GPT2: variants seen among roughly 807,000 people sequenced by gnomAD.
GPT2 encodes alanine aminotransferase 2.
Under a neutral mutation model 56.9 loss-of-function variants are expected in GPT2, and 30 were observed. The observed-to-expected ratio is 0.53, with a 90% CI of 0.39 to 0.72. The LOEUF (loss-of-function observed/expected upper bound fraction) is 0.72, where lower values mean the gene tolerates loss of function less well. Ranked by LOEUF, GPT2 falls within the 30% of genes least tolerant of loss-of-function variation. The pLI is 0.00. For missense variants in GPT2, 542 were observed against 703.4 expected (o/e 0.77, Z 2.60); for synonymous variants, 271 against 283.1 (o/e 0.96, Z 0.43).
Position 46,884,891 on chromosome 16 carries a change from C to T in GPT2, c.176C>T (p.Ala59Val), listed in dbSNP as rs1193372077. The T allele has an allele frequency of 1.3e-6, 2 of 1,544,138 alleles. No homozygotes were observed. The highest frequency in any genetic ancestry group is 2.5e-5 in the East Asian group (1 of 40,464). ...TLESMNPQVKAVEYAVRGPIV... is the reference protein window; with the variant it reads ...TLESMNPQVKVVEYAVRGPIV... ...GAGTCCATGAACCCGCAGGTGAAGG[C>T]GGTGGAGTACGCCGTGCGGGGACCC... The change falls in exon 2 of 12, where the codon GCG becomes GTG. Residue 59 changes from alanine (A) to valine (V), a missense_variant. Ala to Val is a moderately conservative substitution (Grantham distance 64). Transcript: ENST00000340124.
intron 4 of GPT2, among the ~76,000 whole-genome samples, chr16:46,903,872 G>A (rs1960868325): frequency 6.6e-6 from 1 of 152,196 alleles, no homozygotes; most frequent in African/African-American, 2.4e-5. Context: ...GTAATCACTA[G>A]TTCTCATGAG....
intron 4 of GPT2, among the ~76,000 whole-genome samples, chr16:46,905,027 C>T (rs1295187932): frequency 1.3e-5 from 2 of 150,850 alleles, no homozygotes; most frequent in South Asian, 4.2e-4. Flanking sequence ...CGCAGAGAGG[C>T]TGAGGCAGAG....
intron 5 of GPT2, among the ~76,000 whole-genome samples, chr16:46,907,925 C>G (rs1362889374): frequency 6.6e-6 from 1 of 151,924 alleles, no homozygotes; most frequent in Non-Finnish European, 1.5e-5. Context: ...GAGTTACTTG[C>G]AGTGGAGTCT....
rs1961523215 is a variant in GPT2, at chr16:46,930,509, A to G, written c.*1512A>G. On this transcript the variant is annotated 3_prime_UTR_variant, in exon 12 of 12. Transcript: ENST00000340124. ...CTCCCAACTGTCCTTACCCACCGACATCACAGCCCCTATGAAGAAAGTAGC... is the reference window on the plus strand; with the variant it reads ...CTCCCAACTGTCCTTACCCACCGACGTCACAGCCCCTATGAAGAAAGTAGC... The G allele has an allele frequency of 6.6e-6, 1 of 152,262 alleles. No homozygotes were observed. 9.4% of individuals were successfully genotyped at this position (152,262 alleles called of 1,614,324 possible).
intron 7 of GPT2, among the ~76,000 whole-genome samples, chr16:46,918,041 TA>T (rs1204961440): frequency 6.6e-6 from 1 of 152,144 alleles, no homozygotes; most frequent in East Asian, 1.9e-4. Context: ...GATGGGGAAT[TA>T]ACCTCAAAGG....
intron 10 of GPT2, among the ~76,000 whole-genome samples, 169 bp downstream of exon 10, chr16:46,924,713 G>A (rs1054363104): frequency 6.6e-6 from 1 of 152,248 alleles, no homozygotes; most frequent in Non-Finnish European, 1.5e-5. Context: ...GGTTCTTGGA[G>A]GCCCAGCTGT....
intron 3 of GPT2, among the ~76,000 whole-genome samples, chr16:46,898,386 C>A (rs1287421403): frequency 6.6e-6 from 1 of 152,130 alleles, no homozygotes; most frequent in Non-Finnish European, 1.5e-5. Context: ...GAGCACTAAC[C>A]TCGAGAGTGC....
intron 4 of GPT2, among the ~76,000 whole-genome samples, chr16:46,905,736 G>C (rs1014614099): frequency 5.3e-5 from 8 of 152,008 alleles, no homozygotes; most frequent in African/African-American, 1.7e-4. Context: ...AAATGTTAAC[G>C]TACAGCTGGA....
At chr16:46,900,257 A>AG in intron 3 of GPT2, among the ~76,000 whole-genome samples, 1 of 141,992 alleles carries the variant, frequency 7.0e-6, no homozygotes, top group East Asian at 2.1e-4. Context: ...ATGCAGGGGG[A>AG]GGGGGCCTAG....
chr16:46,905,059 C>CTT (rs747352054), intron 4 of GPT2, among the ~76,000 whole-genome samples: 2 of 134,584 alleles, frequency 1.5e-5, no homozygotes, highest in Non-Finnish European at 1.6e-5. Context: ...CAGTTCAGGG[C>CTT]TTTTTTTTTT....
intron 4 of GPT2, among the ~76,000 whole-genome samples, chr16:46,905,712 T>C (rs1437414149): frequency 6.6e-6 from 1 of 152,154 alleles, no homozygotes; most frequent in Non-Finnish European, 1.5e-5. Context: ...AAAAAATCTT[T>C]TTTATGGAGG....
chr16:46,888,696 C>T (rs973571975), intron 2 of GPT2, among the ~76,000 whole-genome samples: 2 of 152,064 alleles, frequency 1.3e-5, no homozygotes, highest in African/African-American at 4.8e-5. Flanking sequence ...ATTGCCTAGG[C>T]TGGAATGCAG....
chr16:46,931,180 A>T lies in GPT2; in HGVS notation c.*2183A>T, dbSNP rs1961537789. ...GAGTGTTGGGGAGGAACAGATGCAG[A>T]TCAACCTGTGGCTGTTTTCCCGTCT... On this transcript the variant is annotated 3_prime_UTR_variant, in exon 12 of 12. Transcript: ENST00000340124. 6.6e-6 allele frequency: 1 copy of T among 152,194 alleles called. No homozygotes were observed. Among genetic ancestry groups the T allele is most frequent in the Non-Finnish European group, 1.5e-5 (1 of 68,038 alleles). 9.4% of individuals were successfully genotyped at this position (152,194 alleles called of 1,614,324 possible).
intron 10 of GPT2, among the ~76,000 whole-genome samples, chr16:46,926,652 T>C (rs1283509003): frequency 6.6e-6 from 1 of 152,196 alleles, no homozygotes; most frequent in Non-Finnish European, 1.5e-5. Context: ...TGCTGATGCC[T>C]GTTGAGTGGC....
chr16:46,884,835 G>A lies in GPT2; in HGVS notation c.120G>A (p.Glu40=), dbSNP rs948895338. ...EASAVLKVRP[E]RSRRERILTL... is the part of the protein sequence containing the mutation. The stretch of plus-strand genomic sequence containing the variant: ...CGGCGGTGCTCAAGGTGCGGCCCGA[G>A]CGCAGCCGGCGCGAGCGCATCCTCA... Residue 40 remains glutamate, a synonymous_variant, in exon 2 of 12, where the codon GAG becomes GAA. Transcript: ENST00000340124. 2 of 1,540,512 alleles carry A rather than the reference G, an allele frequency of 1.3e-6. No homozygotes were observed. The highest frequency in any genetic ancestry group is 1.7e-6 in the Non-Finnish European group (2 of 1,143,616).
At chr16:46,891,956 T>A (rs1305578309) in intron 2 of GPT2, among the ~76,000 whole-genome samples, 7 of 145,442 alleles carry the variant, frequency 4.8e-5, no homozygotes, top group Non-Finnish European at 9.0e-5. Flanking sequence ...CCTTCTATGC[T>A]CCATCTTCAC....
Position 46,900,699 on chromosome 16 carries a change from C to G in GPT2, c.351C>G (p.Thr117=). The G allele has an allele frequency of 4.3e-6, 7 of 1,613,982 alleles. No individual in the cohort carries two copies. The highest frequency in any genetic ancestry group is 5.9e-6 in the Non-Finnish European group (7 of 1,179,904). Residue 117 remains threonine (T), a synonymous_variant, in exon 4 of 12, where the codon ACC becomes ACG. Transcript: ENST00000340124. ...TCCCCCAGGTGATGGCACTATGCAC[C>G]TACCCAAACCTGCTGGACAGCCCCA... ...TFLRQVMALC[T]YPNLLDSPSF...
intron 2 of GPT2, among the ~76,000 whole-genome samples, chr16:46,889,004 G>A (rs1960534682): frequency 6.6e-6 from 1 of 151,840 alleles, no homozygotes; most frequent in South Asian, 2.1e-4. Context: ...AATTATAGCT[G>A]TTCAGCCAAA....
At chr16:46,897,409 A>G (rs887502389) in intron 2 of GPT2, among the ~76,000 whole-genome samples, 1 of 152,006 alleles carries the variant, frequency 6.6e-6, no homozygotes, top group African/African-American at 2.4e-5. Context: ...GGAAGTTTCT[A>G]CCCTTTAAGA....
Sources: allele counts gnomAD v4.1 joint callset (sites outside exome capture counted in the v4.1 genomes callset), GRCh38; gene constraint gnomAD v4.1.1; transcripts MANE v1.5; gene names NCBI Gene and HGNC (gene_info 2026-07-23, HGNC 2026-07-21).